The following FOSL2 variants were observed in gnomAD, a reference collection of about 807,000 sequenced individuals.
FOSL2 encodes FOS like 2, AP-1 transcription factor subunit, also known as fos-related antigen 2.
A neutral mutation model predicts 27.7 loss-of-function variants in FOSL2; 3 were observed. The observed-to-expected ratio is 0.11, with a 90% CI of 0.05 to 0.28. FOSL2 has a LOEUF of 0.28. Ranked by LOEUF, FOSL2 falls within the 10% of genes least tolerant of loss-of-function variation. FOSL2 has a pLI of 1.00. For missense variants in FOSL2, 333 were observed against 445.1 expected (o/e 0.75, Z 2.27); for synonymous variants, 179 against 190.1 (o/e 0.94, Z 0.48).
intron 2 of FOSL2, among the ~76,000 whole-genome samples, chr2:28,406,326 T>C (rs1409881816): frequency 6.6e-6 from 1 of 152,098 alleles, no homozygotes; most frequent in Non-Finnish European, 1.5e-5. Flanking sequence ...CTTCTCAAAG[T>C]GTTGGGATTA....
rs1308277922 is a variant in FOSL2, at chr2:28,408,377, G to A, written c.355-382G>A. 6.6e-6 allele frequency among the ~76,000 whole-genome samples: 1 copy of A among 152,214 alleles called. No individual in the cohort carries two copies. The highest frequency in any genetic ancestry group is 1.5e-5 in the Non-Finnish European group (1 of 68,038). ...TGCTTAAGTGGGTGGGGCCACGCCT[G>A]GCTGGCAGGAGGGGACTCTTGGAGA... is the stretch of plus-strand genomic sequence containing the variant. On this transcript the variant is annotated intron_variant, in intron 2 of 3. Coordinates refer to ENST00000264716, the MANE Select transcript of FOSL2 (RefSeq NM_005253.4). The surrounding 1 kb of genome is among the most constrained non-coding windows in gnomAD (Gnocchi z 4.1).
In FOSL2 at chr2:28,413,742, C is replaced by T. The variant is rs1367505137; in HGVS notation, c.*1294C>T. The T allele has an allele frequency of 2.5e-6, 1 of 399,062 alleles. No individual in the cohort carries two copies. Among genetic ancestry groups the T allele is most frequent in the African/African-American group, 2.1e-5 (1 of 48,778 alleles). The allele number at this position is 399,062 out of a possible 1,614,324, so 24.7% of individuals were successfully genotyped here. A position where few individuals can be genotyped will look rare whatever the true frequency, so the allele number is the denominator to read the frequency against. On this transcript the variant is annotated 3_prime_UTR_variant, in exon 4 of 4. Coordinates refer to ENST00000264716, the MANE Select transcript of FOSL2 (RefSeq NM_005253.4). The stretch of plus-strand genomic sequence containing the variant: ...CAAGTGCTTTCTCTTTTACACTCCC[C>T]TGTCCCCACCCCAGTGCACTCTTCT...
rs924120407 is a variant in FOSL2, at chr2:28,393,491, G to A, written c.-230G>A. The A allele has an allele frequency of 7.0e-5, 35 of 497,398 alleles. No homozygotes were observed. Among genetic ancestry groups the A allele is most frequent in the Non-Finnish European group, 1.1e-4 (30 of 280,056 alleles). The allele number at this position is 497,398 out of a possible 1,614,324, so 30.8% of individuals were successfully genotyped here. A position where few individuals can be genotyped will look rare whatever the true frequency, so the allele number is the denominator to read the frequency against. ...TCGGGTGGACAACTGGTCCCGCGGC[G>A]CTCGCAGAGCCGGAAAGAAGTGCTG... On this transcript the variant is annotated 5_prime_UTR_variant, in exon 1 of 4. Coordinates refer to ENST00000264716, the MANE Select transcript of FOSL2 (RefSeq NM_005253.4). This position sits in a 1 kb window ranked among gnomAD's most constrained non-coding sequence, Gnocchi z 4.6.
In FOSL2 at chr2:28,413,976, G is replaced by A. The variant is rs1328643786; in HGVS notation, c.*1528G>A. ...TCCAGCAGGAGCACAGCTCAGCAGG[G>A]TCCCTGCTGCCCACCCCTCTGAGCC... On this transcript the variant is annotated 3_prime_UTR_variant, in exon 4 of 4. Coordinates refer to ENST00000264716, the MANE Select transcript of FOSL2 (RefSeq NM_005253.4). 8 of 396,944 alleles carry A rather than the reference G, an allele frequency of 2.0e-5. No individual in the cohort carries two copies. Among genetic ancestry groups the A allele is most frequent in the African/African-American group, 2.1e-5 (1 of 48,628 alleles). The allele number at this position is 396,944 out of a possible 1,614,324, so 24.6% of individuals were successfully genotyped here.
rs917770761 is a variant in FOSL2 at position 28,412,022 on chromosome 2, G to A, written c.555G>A (p.Val185=). Residue 185 remains valine (V), a synonymous_variant, in exon 4 of 4, where the codon GTG becomes GTA. Coordinates refer to ENST00000264716, the MANE Select transcript of FOSL2 (RefSeq NM_005253.4). The surrounding 1 kb of genome is among the most constrained non-coding windows in gnomAD (Gnocchi z 7.1). The stretch of plus-strand genomic sequence containing the variant: ...AGGAGAAGCTGGAGTTCATGTTGGT[G>A]GCTCACGGCCCAGTGTGCAAGATTA... ...KEKEKLEFML[V]AHGPVCKISP... The A allele has an allele frequency of 1.2e-6, 2 of 1,612,642 alleles. No homozygotes were observed. Among genetic ancestry groups the A allele is most frequent in the African/African-American group, 1.3e-5 (1 of 74,904 alleles).
chr2:28,394,127 C>A (rs1011747685), intron 1 of FOSL2, among the ~76,000 whole-genome samples: 2 of 144,632 alleles, frequency 1.4e-5, no homozygotes, highest in Admixed American at 1.4e-4. Context: ...ACTCCCCCTC[C>A]CCAGTGTCTG....
At chr2:28,402,554 C>A in intron 1 of FOSL2, among the ~76,000 whole-genome samples, 1 of 152,226 alleles carries the variant, frequency 6.6e-6, no homozygotes, top group East Asian at 1.9e-4. Context: ...CCTAGTTGGT[C>A]TGATTGGACC....
chr2:28,392,982 G>T lies in FOSL2; in HGVS notation c.-739G>T. The T allele has an allele frequency of 1.5e-6, 1 of 666,028 alleles. No individual in the cohort carries two copies. Among genetic ancestry groups the T allele is most frequent in the South Asian group, 1.6e-5 (1 of 64,254 alleles). 41.3% of individuals were successfully genotyped at this position (666,028 alleles called of 1,614,324 possible). A position where few individuals can be genotyped will look rare whatever the true frequency, so the allele number is the denominator to read the frequency against. ...AGAGAGAGAGGGAGAGGCGCGGCCG[G>T]GCGAGGCGGGCCCGTCCGGGAGCGG... On this transcript the variant is annotated 5_prime_UTR_variant, in exon 1 of 4. Coordinates refer to ENST00000264716, the MANE Select transcript of FOSL2 (RefSeq NM_005253.4).
chr2:28,394,754 C>T (rs1663774160), intron 1 of FOSL2: 1 of 152,448 alleles, frequency 6.6e-6, no homozygotes, highest in Non-Finnish European at 1.5e-5. Context: ...GCGTGTCTGC[C>T]CTCTGCTGCA....
At chr2:28,409,037 T>C (rs991324114) in intron 3 of FOSL2, among the ~76,000 whole-genome samples, 171 bp downstream of exon 3, 2 of 152,038 alleles carry the variant, frequency 1.3e-5, no homozygotes, top group African/African-American at 2.4e-5. Flanking sequence ...ATTGTGTTGA[T>C]TGAAAAGAGA....
chr2:28,395,821 T>TGTG (rs1376145820), intron 1 of FOSL2: 5 of 152,126 alleles, frequency 3.3e-5, no homozygotes, highest in African/African-American at 9.7e-5. Context: ...CGCTCCTTGG[T>TGTG]GTGGTGGTGG....
intron 2 of FOSL2, among the ~76,000 whole-genome samples, chr2:28,405,590 T>G (rs1301648863): frequency 6.6e-6 from 1 of 152,172 alleles, no homozygotes; most frequent in Admixed American, 6.5e-5. Context: ...CCCAGGATAC[T>G]TGGAATTACA....
rs1664027337 is a variant in FOSL2, at chr2:28,404,080, C to T, written c.103-27C>T. On this transcript the variant is annotated intron_variant, in intron 1 of 3. Transcript: ENST00000264716. The surrounding 1 kb of genome is among the most constrained non-coding windows in gnomAD (Gnocchi z 4.7). ...CTGTTCAGCTTAGTATTTATTGGCT[C>T]ATTTGTATTTTTTTTCCTCATTTCA... is the stretch of plus-strand genomic sequence containing the variant. 1.2e-6 allele frequency: 2 copies of T among 1,613,136 alleles called. No homozygotes were observed. The highest frequency in any genetic ancestry group is 1.3e-5 in the African/African-American group (1 of 74,886).
intron 1 of FOSL2, among the ~76,000 whole-genome samples, chr2:28,398,137 A>G (rs1006206067): frequency 2.6e-5 from 4 of 152,238 alleles, no homozygotes; most frequent in East Asian, 1.9e-4. Context: ...GTTCCGGTCT[A>G]TTTGTTGAAA....
rs143327177 is a variant in FOSL2, at chr2:28,412,063, G to T, written c.596G>T (p.Arg199Leu). Residue 199 changes from arginine (R) to leucine (L), a missense_variant, in exon 4 of 4, where the codon CGA (arginine) becomes CTA (leucine). Around this residue, in one of 4 missense-constraint regions of FOSL2, gnomAD observed 136 missense variants for 123.7 expected, o/e 1.10. Transcript: ENST00000264716. The surrounding 1 kb of genome is among the most constrained non-coding windows in gnomAD (Gnocchi z 7.1). ...TGCAAGATTAGCCCCGAGGAGCGCC[G>T]ATCGCCCCCAGCCCCTGGGCTGCAG... ...PVCKISPEERRSPPAPGLQPM... is the reference protein window; with the variant it reads ...PVCKISPEERLSPPAPGLQPM... 1 of 1,607,898 alleles carries T rather than the reference G, an allele frequency of 6.2e-7. No homozygotes were observed. Among genetic ancestry groups the T allele is most frequent in the Non-Finnish European group, 8.5e-7 (1 of 1,179,904 alleles).
rs754141656 is a variant in FOSL2 at position 28,393,807 on chromosome 2, C to T, written c.87C>T (p.Gly29=). Residue 29 remains glycine, a synonymous_variant, in exon 1 of 4, where the codon GGC becomes GGT. Coordinates refer to ENST00000264716, the MANE Select transcript of FOSL2 (RefSeq NM_005253.4). This position sits in a 1 kb window ranked among gnomAD's most constrained non-coding sequence, Gnocchi z 4.6. The part of the protein sequence containing the change: ...SPAHAESYSS[G]GGGQQKFRVD... ...CGCACGCCGAGTCCTACTCCAGCGG[C>T]GGCGGCGGCCAGCAGGTAGGTGCGG... The T allele has an allele frequency of 1.0e-5, 16 of 1,598,398 alleles. No individual in the cohort carries two copies. The highest frequency in any genetic ancestry group is 9.1e-5 in the East Asian group (4 of 43,860).
rs1664128727 is a variant in FOSL2, at chr2:28,408,516, A to G, written c.355-243A>G. Among the ~76,000 whole-genome samples the G allele has an allele frequency of 6.6e-6, 1 of 152,122 alleles. No individual in the cohort carries two copies. Among genetic ancestry groups the G allele is most frequent in the East Asian group, 1.9e-4 (1 of 5,196 alleles). ...TGACCCATTGCTGTCCTGTTTAAAC[A>G]TGGACTTTAAACTTGGACATCACCT... On this transcript the variant is annotated intron_variant, in intron 2 of 3. Coordinates refer to ENST00000264716, the MANE Select transcript of FOSL2 (RefSeq NM_005253.4). The surrounding 1 kb of genome is among the most constrained non-coding windows in gnomAD (Gnocchi z 4.1).
chr2:28,411,956 G>A lies in FOSL2; in HGVS notation c.489G>A (p.Lys163=), dbSNP rs776590858. Residue 163 remains lysine (K), a synonymous_variant, in exon 4 of 4, where the codon AAG becomes AAA. Transcript: ENST00000264716. Reference sequence around the variant, plus strand: ...AGACAGAGGAGCTGGAGGAGGAGAAGTCAGGCCTGCAGAAGGAGATTGCTG... The same window carrying A: ...AGACAGAGGAGCTGGAGGAGGAGAAATCAGGCCTGCAGAAGGAGATTGCTG... ...QAETEELEEE[K]SGLQKEIAEL... The A allele has an allele frequency of 6.2e-6, 10 of 1,614,076 alleles. No homozygotes were observed. The highest frequency in any genetic ancestry group is 8.5e-6 in the Non-Finnish European group (10 of 1,180,040).
chr2:28,396,109 A>G (rs1053897892), intron 1 of FOSL2, among the ~76,000 whole-genome samples: 3 of 152,190 alleles, frequency 2.0e-5, no homozygotes, highest in African/African-American at 7.2e-5. Flanking sequence ...ACCGATCCAT[A>G]TGAGACAGTT....
Sources: allele counts gnomAD v4.1 joint callset (sites outside exome capture counted in the v4.1 genomes callset), GRCh38; gene constraint gnomAD v4.1.1; regional missense constraint gnomAD v4.1.1; non-coding constraint Gnocchi (gnomAD v3.1); transcripts MANE v1.5; gene names NCBI Gene and HGNC (gene_info 2026-07-23, HGNC 2026-07-21).